XRRA1: variants seen among roughly 807,000 people sequenced by gnomAD.
XRRA1 encodes the protein X-ray radiation resistance-associated protein 1.
A neutral mutation model predicts 80.2 loss-of-function variants in XRRA1; 69 were observed. The ratio of observed to expected loss-of-function variants is 0.86; its 90% CI spans 0.71 to 1.05. XRRA1 has a LOEUF of 1.05. Among genes scored for constraint, XRRA1 ranks in the 50% least tolerant of loss-of-function variants. The pLI, the probability that XRRA1 is intolerant of heterozygous loss-of-function variation, is 0.00. For synonymous variants in XRRA1, 348 were observed against 389.9 expected, an observed-to-expected ratio of 0.89 and a Z score of 1.27; for missense variants, 967 against 976.4, an observed-to-expected ratio of 0.99 and a Z score of 0.13.
intron 14 of XRRA1, 99 bp downstream of exon 14, chr11:74,850,989 G>A: frequency 1.3e-6 from 1 of 773,566 alleles, no homozygotes; most frequent in East Asian, 2.9e-5. Context: ...GAGATTCCAG[G>A]CACTGTGGAG....
At chr11:74,843,778 C>G in intron 18 of XRRA1, 76 bp downstream of exon 18, 1 of 1,340,068 alleles carries the variant, frequency 7.5e-7, no homozygotes, top group Non-Finnish European at 1.0e-6. Context: ...CCTGCACTGA[C>G]ACAAGCCCTT....
chr11:74,877,155 A>G (rs1367591250), intron 10 of XRRA1, among the ~76,000 whole-genome samples: 1 of 152,232 alleles, frequency 6.6e-6, no homozygotes, highest in African/African-American at 2.4e-5. Context: ...TAATAATTAC[A>G]GGAAAGATTT....
chr11:74,843,001 G>A lies in XRRA1; in HGVS notation c.*199C>T, dbSNP rs959931956. On this transcript the variant is annotated 3_prime_UTR_variant, in exon 19 of 19. Coordinates refer to ENST00000684022, the MANE Select transcript of XRRA1 (RefSeq NM_001378157.1). The stretch of plus-strand genomic sequence containing the variant: ...TGCACCCACTCTTTATTGCCGCTGG[G>A]CCAGGCACCAGGTCATGCCTGGGCC... The A allele has an allele frequency of 6.0e-6, 4 of 671,986 alleles. No individual in the cohort carries two copies. Among genetic ancestry groups the A allele is most frequent in the Non-Finnish European group, 9.8e-6 (4 of 409,650 alleles). 41.6% of individuals were successfully genotyped at this position (671,986 alleles called of 1,614,324 possible).
intron 3 of XRRA1, among the ~76,000 whole-genome samples, chr11:74,939,526 G>A (rs908353202): frequency 7.9e-5 from 12 of 152,054 alleles, no homozygotes; most frequent in African/African-American, 1.7e-4. Context: ...AGTCAGCTGC[G>A]TCCTTTCAAC....
chr11:74,918,331 C>T (rs186286388), intron 8 of XRRA1, among the ~76,000 whole-genome samples: 5 of 142,186 alleles, frequency 3.5e-5, no homozygotes, highest in East Asian at 3.9e-4. Flanking sequence ...TGTGTGCACT[C>T]GCATGCACAC....
rs2036460764 is a variant in XRRA1, at chr11:74,841,050, A to T, written c.*2150T>A. ...AGGTAGAGAAAGTCTCCATAGTATA[A>T]GTAAGTAATATGAATGTGGAATCTT... On this transcript the variant is annotated 3_prime_UTR_variant, in exon 19 of 19. Coordinates refer to ENST00000684022, the MANE Select transcript of XRRA1 (RefSeq NM_001378157.1). The T allele has an allele frequency of 1.3e-5, 2 of 152,146 alleles. No homozygotes were observed. The highest frequency in any genetic ancestry group is 2.4e-5 in the African/African-American group (1 of 41,450). 9.4% of individuals were successfully genotyped at this position (152,146 alleles called of 1,614,324 possible).
intron 10 of XRRA1, among the ~76,000 whole-genome samples, chr11:74,873,876 G>A (rs1041578410): frequency 2.0e-5 from 3 of 151,884 alleles, no homozygotes; most frequent in Non-Finnish European, 4.4e-5. Flanking sequence ...GAGGATTTGG[G>A]GGCATTACAG....
At chr11:74,940,918 A>C (rs1353293421) in intron 2 of XRRA1, 36 bp from the exon 3 acceptor site, 1 of 1,525,206 alleles carries the variant, frequency 6.6e-7, no homozygotes, top group East Asian at 2.3e-5. Context: ...GAAGCAGAAG[A>C]GTGAAAAGGC....
intron 10 of XRRA1, among the ~76,000 whole-genome samples, chr11:74,868,307 T>C (rs1006372680): frequency 1.3e-5 from 2 of 152,196 alleles, no homozygotes; most frequent in Admixed American, 6.5e-5. Context: ...AAGATCCTTT[T>C]CAGACATGCA....
intron 12 of XRRA1, among the ~76,000 whole-genome samples, chr11:74,858,824 T>A (rs544620504): frequency 6.6e-6 from 1 of 152,154 alleles, no homozygotes; most frequent in Non-Finnish European, 1.5e-5. Context: ...AGCATGCTCA[T>A]ATTGTGATGA....
chr11:74,886,620 G>A (rs2049093525), intron 10 of XRRA1, among the ~76,000 whole-genome samples: 1 of 152,066 alleles, frequency 6.6e-6, no homozygotes, highest in East Asian at 1.9e-4. Context: ...AATCAATACT[G>A]TTAAACTGGC....
chr11:74,921,821 C>T (rs990309425), intron 7 of XRRA1, among the ~76,000 whole-genome samples: 1 of 152,092 alleles, frequency 6.6e-6, no homozygotes, highest in Non-Finnish European at 1.5e-5. Context: ...TATGTATATG[C>T]CTAGCACAGT....
In XRRA1 at chr11:74,921,124, T is replaced by A. The variant is rs986054003; in HGVS notation, c.656+90A>T. On this transcript the variant is annotated intron_variant, in intron 8 of 18. Coordinates refer to ENST00000684022, the MANE Select transcript of XRRA1 (RefSeq NM_001378157.1). ...ATCCCTGCTTTGAGCACTTACAGCC[T>A]ATCTTTATGGCACTTCAAGCTGCTA... 4 of 1,527,170 alleles carry A rather than the reference T, an allele frequency of 2.6e-6. No individual in the cohort carries two copies. The African/African-American group carries it at 5.5e-5, about 21-fold the overall frequency. The allele number at this position is 1,527,170 out of a possible 1,614,324, so 94.6% of individuals were successfully genotyped here. A position where few individuals can be genotyped will look rare whatever the true frequency, so the allele number is the denominator to read the frequency against.
At chr11:74,906,033 G>A (rs1226201762) in intron 10 of XRRA1, among the ~76,000 whole-genome samples, 2 of 152,154 alleles carry the variant, frequency 1.3e-5, no homozygotes, top group African/African-American at 4.8e-5. Context: ...GCATAACCTT[G>A]ATTATAAATC....
At chr11:74,941,012 G>A (rs1317804719) in intron 2 of XRRA1, 130 bp from the exon 3 acceptor site, 2 of 645,994 alleles carry the variant, frequency 3.1e-6, no homozygotes, top group African/African-American at 1.8e-5. Flanking sequence ...CGACACCCTG[G>A]AGGCCCCACT....
intron 16 of XRRA1, 77 bp downstream of exon 16, chr11:74,844,996 G>T: frequency 6.8e-7 from 1 of 1,471,724 alleles, no homozygotes; most frequent in Non-Finnish European, 9.4e-7. Context: ...CTTGGTGCCA[G>T]CCTTGGCTTG....
chr11:74,852,592 G>A (rs1482386499), intron 12 of XRRA1, among the ~76,000 whole-genome samples: 2 of 152,112 alleles, frequency 1.3e-5, no homozygotes, highest in Non-Finnish European at 2.9e-5. Flanking sequence ...GATGGACAGG[G>A]GGAAAGGAGG....
rs532363411 is a variant in XRRA1 at position 74,852,785 on chromosome 11, G to A, written c.1171-703C>T. ...CTGCCTGGAAAAGCTGGACCATCTTGGCGAGAGTATTTATTTGCAATGGAA... is the reference window on the plus strand; with the variant it reads ...CTGCCTGGAAAAGCTGGACCATCTTAGCGAGAGTATTTATTTGCAATGGAA... On this transcript the variant is annotated intron_variant, in intron 12 of 18. Coordinates refer to ENST00000684022, the MANE Select transcript of XRRA1 (RefSeq NM_001378157.1). Among the ~76,000 whole-genome samples, 252 of 152,308 alleles carry A rather than the reference G, an allele frequency of 1.7e-3. 1 individual carries two copies. The highest frequency in any genetic ancestry group is 5.8e-3 in the African/African-American group (243 of 41,558).
intron 8 of XRRA1, 36 bp from the exon 9 acceptor site, chr11:74,907,309 C>A: frequency 1.2e-6 from 2 of 1,610,784 alleles, no homozygotes; most frequent in South Asian, 1.1e-5. Flanking sequence ...TGAGCAAGGT[C>A]GAGGGACAAA....
Sources: gnomAD v4.1 joint callset for allele counts (sites outside exome capture counted in the v4.1 genomes callset) on GRCh38, gnomAD v4.1.1 for gene constraint, MANE v1.5 for transcripts, NCBI Gene and HGNC (gene_info 2026-07-23, HGNC 2026-07-21) for gene names.